PCDH7: variants seen among roughly 807,000 people sequenced by gnomAD.
The protein encoded by PCDH7 is protocadherin-7.
In PCDH7, 17 loss-of-function variants were observed where a neutral mutation model predicts 58.9. The ratio of observed to expected loss-of-function variants is 0.29; its 90% CI spans 0.20 to 0.43. The LOEUF (loss-of-function observed/expected upper bound fraction) is 0.43, where lower values mean the gene tolerates loss of function less well. Ranked by LOEUF, PCDH7 falls within the 20% of genes least tolerant of loss-of-function variation. The pLI, the probability that PCDH7 is intolerant of heterozygous loss-of-function variation, is 1.00. For synonymous variants in PCDH7, 664 were observed against 616.4 expected (o/e 1.08, Z -1.14); for missense variants, 1,274 against 1,441.0 (o/e 0.88, Z 1.88).
intron 3 of PCDH7, among the ~76,000 whole-genome samples, chr4:30,981,806 A>C (rs2109111342): frequency 6.6e-6 from 1 of 152,272 alleles, no homozygotes; most frequent in South Asian, 2.1e-4. Flanking sequence ...TTTCTTTTTA[A>C]AAAAGTGCTA....
chr4:31,078,554 C>G (rs1011993980), intron 3 of PCDH7, among the ~76,000 whole-genome samples: 2 of 150,426 alleles, frequency 1.3e-5, no homozygotes, highest in African/African-American at 4.9e-5. Flanking sequence ...AACTCTGAGC[C>G]TCAAGCTATC....
chr4:30,934,793 C>T (rs922466559), intron 2 of PCDH7, among the ~76,000 whole-genome samples: 3 of 152,042 alleles, frequency 2.0e-5, no homozygotes, highest in African/African-American at 7.2e-5. Flanking sequence ...AACAATTCTA[C>T]TGTATTGTAA....
intron 1 of PCDH7, among the ~76,000 whole-genome samples, chr4:30,730,422 A>T (rs1419729505): frequency 6.6e-6 from 1 of 152,158 alleles, no homozygotes; most frequent in African/African-American, 2.4e-5. Flanking sequence ...AGCTGAAACC[A>T]CTAAAACTAA....
chr4:31,005,214 A>G (rs959739787), intron 3 of PCDH7, among the ~76,000 whole-genome samples: 1 of 152,182 alleles, frequency 6.6e-6, no homozygotes, highest in Non-Finnish European at 1.5e-5. Flanking sequence ...GTTATGAGGA[A>G]CTGAGTGTTG....
At chr4:31,138,283 A>G (rs559135484) in intron 3 of PCDH7, among the ~76,000 whole-genome samples, 1 of 152,330 alleles carries the variant, frequency 6.6e-6, no homozygotes, top group Admixed American at 6.5e-5. Context: ...ACTTCTTAAG[A>G]AAACATATAA....
At chr4:31,093,834 G>A (rs2109288776) in intron 3 of PCDH7, among the ~76,000 whole-genome samples, 1 of 151,946 alleles carries the variant, frequency 6.6e-6, no homozygotes, top group Admixed American at 6.6e-5. Flanking sequence ...ATTAAATATG[G>A]GAAAGCCTAC....
intron 1 of PCDH7, among the ~76,000 whole-genome samples, chr4:30,727,930 A>G (rs1259558232): frequency 6.6e-6 from 1 of 151,882 alleles, no homozygotes; most frequent in African/African-American, 2.4e-5. Context: ...TAATGCACTT[A>G]CAAGTAAAAA....
intron 1 of PCDH7, among the ~76,000 whole-genome samples, chr4:30,895,063 G>A (rs549210096): frequency 2.7e-5 from 4 of 150,850 alleles, no homozygotes; most frequent in African/African-American, 7.3e-5. Context: ...CTTTCTTTAC[G>A]AAATTTTAAA....
chr4:30,939,057 A>T (rs143589010), intron 2 of PCDH7, among the ~76,000 whole-genome samples: 1 of 152,180 alleles, frequency 6.6e-6, no homozygotes, highest in African/African-American at 2.4e-5. Flanking sequence ...TGTCCTTTAC[A>T]CCTAAAGCTC....
At chr4:31,080,888 G>A (rs1560629453) in intron 3 of PCDH7, among the ~76,000 whole-genome samples, 1 of 152,184 alleles carries the variant, frequency 6.6e-6, no homozygotes, top group Admixed American at 6.5e-5. Flanking sequence ...TCTTGTGGTA[G>A]TGAATAAGTC....
intron 1 of PCDH7, among the ~76,000 whole-genome samples, chr4:30,899,172 G>T (rs1739866746): frequency 2.0e-5 from 3 of 151,972 alleles, no homozygotes; most frequent in Non-Finnish European, 4.4e-5. Context: ...ACTGCCCCAG[G>T]GTTTTTTTAC....
intron 3 of PCDH7, among the ~76,000 whole-genome samples, chr4:30,962,455 G>T (rs542733061): frequency 6.6e-6 from 1 of 152,166 alleles, no homozygotes; most frequent in African/African-American, 2.4e-5. Context: ...AAGTATGTAT[G>T]TATGTTTCTA....
chr4:30,728,112 A>C (rs905008831), intron 1 of PCDH7, among the ~76,000 whole-genome samples: 4 of 151,712 alleles, frequency 2.6e-5, no homozygotes, highest in African/African-American at 9.7e-5. Flanking sequence ...TTAGTGATCG[A>C]ATTATGTTCA....
intron 1 of PCDH7, among the ~76,000 whole-genome samples, chr4:30,778,875 C>T (rs1208751470): frequency 6.6e-6 from 1 of 151,968 alleles, no homozygotes; most frequent in African/African-American, 2.4e-5. Flanking sequence ...AGAGTGAATA[C>T]ATTTGCTTTC....
At position 30,723,978 on chromosome 4, in the gene PCDH7, G is replaced by A; in HGVS notation, c.2556G>A (p.Gln852=). The A allele has an allele frequency of 2.5e-6, 4 of 1,614,148 alleles. No individual in the cohort carries two copies. The highest frequency in any genetic ancestry group is 3.4e-6 in the Non-Finnish European group (4 of 1,180,038). ...CTAATGCAACTGCGATTGACTCCCA[G>A]ATAGCTAGAAGTTTGCACATCCCAC... The change falls in exon 1 of 2, where the codon CAG becomes CAA. Residue 852 remains glutamine, a synonymous_variant. Coordinates refer to ENST00000361762, the Ensembl canonical transcript of PCDH7. The surrounding 1 kb of genome is among the most constrained non-coding windows in gnomAD (Gnocchi z 4.6).
chr4:30,812,295 T>C (rs546459217), intron 1 of PCDH7, among the ~76,000 whole-genome samples: 3 of 152,332 alleles, frequency 2.0e-5, no homozygotes, highest in African/African-American at 7.2e-5. Context: ...TTACAAGTGA[T>C]TATATGTTTA....
chr4:31,102,205 C>T (rs114594150), intron 3 of PCDH7, among the ~76,000 whole-genome samples: 1,987 of 148,318 alleles, frequency 0.013, 32 homozygotes, highest in African/African-American at 0.044. Flanking sequence ...TTTTTTTTTA[C>T]TGTTGTGTAC....
chr4:30,892,877 T>G (rs2109385451), intron 1 of PCDH7, among the ~76,000 whole-genome samples: 1 of 152,162 alleles, frequency 6.6e-6, no homozygotes, highest in East Asian at 1.9e-4. Flanking sequence ...CAGTTGTCAG[T>G]TAAATAGTAT....
At chr4:30,739,453 T>TATATATAAATATAAATAAAA (rs1560318200) in intron 1 of PCDH7, among the ~76,000 whole-genome samples, 1 of 151,858 alleles carries the variant, frequency 6.6e-6, no homozygotes, top group African/African-American at 2.4e-5. Flanking sequence ...ATTTTTTAAA[T>TATATATAAATATAAATAAAA]TGCATCTAAA....
Sources: allele counts gnomAD v4.1 joint callset (sites outside exome capture counted in the v4.1 genomes callset), GRCh38; gene constraint gnomAD v4.1.1; non-coding constraint Gnocchi (gnomAD v3.1); transcripts MANE v1.5; gene names NCBI Gene and HGNC (gene_info 2026-07-23, HGNC 2026-07-21).